The following DNAH14 variants were observed in gnomAD, a reference collection of about 807,000 sequenced individuals.
The protein encoded by DNAH14 is dynein axonemal heavy chain 14, also known as axonemal beta dynein heavy chain 14.
A neutral mutation model predicts 520.9 loss-of-function variants in DNAH14; 478 were observed. The observed-to-expected ratio is 0.92, with a 90% CI of 0.85 to 0.99. The LOEUF is 0.99. DNAH14 is among the 50% of genes least tolerant of loss of function. DNAH14 has a pLI of 0.00. For missense variants in DNAH14, 4,831 were observed against 5,234.5 expected, an observed-to-expected ratio of 0.92 and a Z score of 2.38; for synonymous variants, 1,581 against 1,757.2, an observed-to-expected ratio of 0.90 and a Z score of 2.51.
intron 44 of DNAH14, among the ~76,000 whole-genome samples, chr1:225,254,433 C>T (rs1383820933): frequency 6.6e-6 from 1 of 152,090 alleles, no homozygotes; most frequent in Admixed American, 6.5e-5. Flanking sequence ...ACAGGTGATC[C>T]TTTATATGCC....
In DNAH14 at chr1:225,097,109, T is replaced by C. The variant is rs758534435; in HGVS notation, c.3574-9T>C. 1.4e-5 allele frequency: 21 copies of C among 1,537,652 alleles called. No homozygotes were observed. Among genetic ancestry groups the C allele is most frequent in the Non-Finnish European group, 1.8e-5 (20 of 1,140,518 alleles). On this transcript the variant is annotated splice_polypyrimidine_tract_variant and intron_variant, in intron 21 of 85. Coordinates refer to ENST00000682510, the MANE Select transcript of DNAH14 (RefSeq NM_001367479.1). ...AGATTTGTATGTGTATATGTTTTTA[T>C]CATTGTAGGATCTTGTGAATGAATG...
At chr1:225,192,985 T>C in intron 38 of DNAH14, 74 bp downstream of exon 38, 1 of 1,143,652 alleles carries the variant, frequency 8.7e-7, no homozygotes, top group South Asian at 1.6e-5. Flanking sequence ...AAGACTGATA[T>C]TAAAACATCA....
chr1:224,963,991 G>A (rs1048880967), intron 4 of DNAH14, among the ~76,000 whole-genome samples: 2 of 152,106 alleles, frequency 1.3e-5, no homozygotes, highest in Non-Finnish European at 2.9e-5. Context: ...AACCTGTATT[G>A]CATGGTAAAT....
intron 8 of DNAH14, among the ~76,000 whole-genome samples, chr1:224,985,506 T>C (rs998700078): frequency 6.6e-6 from 1 of 152,088 alleles, no homozygotes; most frequent in Admixed American, 6.6e-5. Flanking sequence ...ACAACAAATA[T>C]GGTGCAGTGT....
intron 15 of DNAH14, among the ~76,000 whole-genome samples, chr1:225,047,023 G>C (rs1313181008): frequency 6.6e-6 from 1 of 152,102 alleles, no homozygotes; most frequent in Non-Finnish European, 1.5e-5. Context: ...CTGGATTAGA[G>C]AAGGAAATTT....
At chr1:224,964,217 A>C (rs2061013556) in intron 4 of DNAH14, among the ~76,000 whole-genome samples, 1 of 152,026 alleles carries the variant, frequency 6.6e-6, no homozygotes, top group Admixed American at 6.6e-5. Context: ...TCCTATTCCT[A>C]GTCTCTTCTC....
At position 225,300,865 on chromosome 1, in the gene DNAH14, T is replaced by G. The variant is rs1187093791; in HGVS notation, c.8470-4T>G. On this transcript the variant is annotated splice_region_variant and splice_polypyrimidine_tract_variant and intron_variant, in intron 55 of 85. Transcript: ENST00000682510. ...TTCCTCATTAAATATGTGTTTTGCCTAAGGACTCATTTTTAGAAGATTTGA... is the reference window on the plus strand; with the variant it reads ...TTCCTCATTAAATATGTGTTTTGCCGAAGGACTCATTTTTAGAAGATTTGA... 6.4e-7 allele frequency: 1 copy of G among 1,550,650 alleles called. No individual in the cohort carries two copies. The highest frequency in any genetic ancestry group is 8.7e-7 in the Non-Finnish European group (1 of 1,146,648).
chr1:224,993,173 T>G (rs1411492655), intron 8 of DNAH14, among the ~76,000 whole-genome samples: 1 of 152,068 alleles, frequency 6.6e-6, no homozygotes, highest in African/African-American at 2.4e-5. Flanking sequence ...TTTTCTTTCC[T>G]GTAATATTTT....
At chr1:225,280,571 C>T (rs1574488996) in intron 54 of DNAH14, among the ~76,000 whole-genome samples, 1 of 151,372 alleles carries the variant, frequency 6.6e-6, no homozygotes, top group South Asian at 2.1e-4. Context: ...TGAACTCCAG[C>T]CTGGGTGACA....
At chr1:225,324,479 A>G in intron 63 of DNAH14, 126 bp downstream of exon 63, 11 of 1,281,480 alleles carry the variant, frequency 8.6e-6, no homozygotes, top group Non-Finnish European at 1.2e-5. Flanking sequence ...GAAACACTTT[A>G]ATCAAATGTT....
chr1:224,977,686 G>A (rs1281816429), intron 8 of DNAH14, among the ~76,000 whole-genome samples: 1 of 152,112 alleles, frequency 6.6e-6, no homozygotes, highest in East Asian at 1.9e-4. Context: ...TTCAAAAAAA[G>A]AATGCTGTAT....
rs2096058955 is a variant in DNAH14, at chr1:225,398,647, T to TA, written c.13620dup (p.Tyr4541IlefsTer26). 1.3e-6 allele frequency: 2 copies of TA among 1,551,540 alleles called. No individual in the cohort carries two copies. Among genetic ancestry groups the TA allele is most frequent in the African/African-American group, 2.7e-5 (2 of 73,060 alleles). ...GAGATGTGCTGTGATTTTCCCGACA[T>TA]ATACTTTTTGCCAACAAAGGTAATC... On this transcript the variant is annotated frameshift_variant, in exon 85 of 86. Transcript: ENST00000682510. LOFTEE classifies it low-confidence loss of function (END_TRUNC).
intron 44 of DNAH14, 50 bp from the exon 45 acceptor site, chr1:225,257,910 G>A (rs1311797131): frequency 7.7e-7 from 1 of 1,305,668 alleles, no homozygotes; most frequent in Admixed American, 2.6e-5. Context: ...AAGATGAGGT[G>A]AATAGTACTT....
At chr1:225,270,026 T>A (rs994481584) in intron 49 of DNAH14, among the ~76,000 whole-genome samples, 2 of 152,170 alleles carry the variant, frequency 1.3e-5, no homozygotes, top group African/African-American at 4.8e-5. Flanking sequence ...TGCACACGTA[T>A]GTTTATTGCA....
In DNAH14 at chr1:225,085,396, A is replaced by G. The variant is rs1470396081; in HGVS notation, c.3328-148A>G. On this transcript the variant is annotated intron_variant, in intron 20 of 85. Transcript: ENST00000682510. ...ATATGTCATGAAGGTTAGACCATGA[A>G]GTTGCTGGTAAGGATATAAACCTAA... 3 of 690,560 alleles carry G rather than the reference A, an allele frequency of 4.3e-6. No homozygotes were observed. In the Admixed American group the frequency reaches 8.9e-5, roughly 20 times the overall value. The allele number at this position is 690,560 out of a possible 1,614,324, so 42.8% of individuals were successfully genotyped here.
chr1:225,364,920 A>T, intron 76 of DNAH14, 26 bp downstream of exon 76: 1 of 1,485,262 alleles, frequency 6.7e-7, no homozygotes, highest in Non-Finnish European at 9.1e-7. Context: ...AACAGATTTA[A>T]TGTTGACTGA....
At chr1:225,254,290 A>G (rs1327010844) in intron 44 of DNAH14, among the ~76,000 whole-genome samples, 1 of 152,222 alleles carries the variant, frequency 6.6e-6, no homozygotes, top group African/African-American at 2.4e-5. Flanking sequence ...GTTAAAGCAG[A>G]TAGAACTTGT....
intron 4 of DNAH14, 124 bp from the exon 5 acceptor site, chr1:224,964,355 G>T: frequency 1.8e-6 from 2 of 1,095,596 alleles, no homozygotes; most frequent in Admixed American, 3.7e-5. Flanking sequence ...TCTAATAATC[G>T]TTATGTATAC....
At chr1:224,950,327 T>C (rs1179913547) in intron 1 of DNAH14, among the ~76,000 whole-genome samples, 2 of 152,186 alleles carry the variant, frequency 1.3e-5, no homozygotes, top group Non-Finnish European at 2.9e-5. Context: ...TAAGAAGGTA[T>C]TATGGGTGAT....
Sources: gnomAD v4.1 joint callset for allele counts (sites outside exome capture counted in the v4.1 genomes callset) on GRCh38, gnomAD v4.1.1 for gene constraint, MANE v1.5 for transcripts, NCBI Gene and HGNC (gene_info 2026-07-23, HGNC 2026-07-21) for gene names.